SMIM5: variants seen among roughly 807,000 people sequenced by gnomAD.
SMIM5 encodes small integral membrane protein 5.
A neutral mutation model predicts 4.0 loss-of-function variants in SMIM5; 4 were observed. The observed-to-expected ratio is 1.01, with a 90% CI of 0.50 to 2.30. The LOEUF (loss-of-function observed/expected upper bound fraction) is 2.30, where lower values mean the gene tolerates loss of function less well. SMIM5 is among the 30% of genes most tolerant of loss of function. The pLI, the probability that SMIM5 is intolerant of heterozygous loss-of-function variation, is 0.02. For missense variants in SMIM5, 107 were observed against 99.2 expected, an observed-to-expected ratio of 1.08 and a Z score of -0.34; for synonymous variants, 46 against 43.6, an observed-to-expected ratio of 1.05 and a Z score of -0.22.
rs535045068 is a variant in SMIM5, at chr17:75,640,565, C to T, written c.128-226C>T. 3.3e-5 allele frequency among the ~76,000 whole-genome samples: 5 copies of T among 152,114 alleles called. No individual in the cohort carries two copies. The highest frequency in any genetic ancestry group is 1.9e-4 in the East Asian group (1 of 5,172). Reference sequence around the variant, plus strand: ...CCCGGGATCCCAAACGCGGGGATGACGGGAGCCAGGCTTGGGCAGTGAAAG... The same window carrying T: ...CCCGGGATCCCAAACGCGGGGATGATGGGAGCCAGGCTTGGGCAGTGAAAG... On this transcript the variant is annotated intron_variant, in intron 2 of 2. Coordinates refer to ENST00000375215, the MANE Select transcript of SMIM5 (RefSeq NM_001162995.3). This position sits in a 1 kb window ranked among gnomAD's most constrained non-coding sequence, Gnocchi z 4.6.
chr17:75,633,703 T>A lies in SMIM5; in HGVS notation c.-536T>A. 1.3e-5 allele frequency: 15 copies of A among 1,130,750 alleles called. No homozygotes were observed. The highest frequency in any genetic ancestry group is 1.6e-5 in the Non-Finnish European group (15 of 910,654). The allele number at this position is 1,130,750 out of a possible 1,614,324, so 70.0% of individuals were successfully genotyped here. Reference sequence around the variant, plus strand: ...GGCCAGAGGGACAGAAGGGGTGGCCTTCCTGAGGGCAGGGTGGGTGCCCCA... The same window carrying A: ...GGCCAGAGGGACAGAAGGGGTGGCCATCCTGAGGGCAGGGTGGGTGCCCCA... On this transcript the variant is annotated 5_prime_UTR_variant, in exon 1 of 3. Transcript: ENST00000375215.
chr17:75,640,074 G>C lies in SMIM5; in HGVS notation c.-36-92G>C. 1 of 1,322,198 alleles carries C rather than the reference G, an allele frequency of 7.6e-7. No homozygotes were observed. Among genetic ancestry groups the C allele is most frequent in the Non-Finnish European group, 1.0e-6 (1 of 999,080 alleles). 81.9% of individuals were successfully genotyped at this position (1,322,198 alleles called of 1,614,324 possible). On this transcript the variant is annotated intron_variant, in intron 1 of 2. Transcript: ENST00000375215. The surrounding 1 kb of genome is among the most constrained non-coding windows in gnomAD (Gnocchi z 4.6). Reference sequence around the variant, plus strand: ...GTGAGACCTGACAAACTTGTTCTGCGGGCTGCGGATGGGTGCGAGGGTGGA... The same window carrying C: ...GTGAGACCTGACAAACTTGTTCTGCCGGCTGCGGATGGGTGCGAGGGTGGA...
intron 1 of SMIM5, chr17:75,637,502 A>AG (rs1478368581): frequency 6.6e-6 from 1 of 152,288 alleles, no homozygotes; most frequent in Non-Finnish European, 1.5e-5. Flanking sequence ...CGGAACCAAG[A>AG]GGGGACCACT....
At chr17:75,635,514 G>A (rs943143186) in intron 1 of SMIM5, among the ~76,000 whole-genome samples, 1 of 152,230 alleles carries the variant, frequency 6.6e-6, no homozygotes, top group African/African-American at 2.4e-5. Context: ...CCCGCCCTGG[G>A]TGGCTACAGG....
In SMIM5 at chr17:75,640,869, A is replaced by G; in HGVS notation, c.206A>G (p.Lys69Arg). Residue 69 changes from lysine to arginine, a missense_variant, in exon 3 of 3, where the codon AAG (lysine) becomes AGG (arginine). Transcript: ENST00000375215. This position sits in a 1 kb window ranked among gnomAD's most constrained non-coding sequence, Gnocchi z 4.6. ...HCCCPERRGR[K>R]VQVQPTPP ...TGCTGCCCTGAGCGGAGAGGCAGGAAGGTCCAGGTGCAGCCGACACCACCA... is the reference window on the plus strand; with the variant it reads ...TGCTGCCCTGAGCGGAGAGGCAGGAGGGTCCAGGTGCAGCCGACACCACCA... 1 of 1,547,568 alleles carries G rather than the reference A, an allele frequency of 6.5e-7. No homozygotes were observed. Among genetic ancestry groups the G allele is most frequent in the Non-Finnish European group, 8.7e-7 (1 of 1,146,950 alleles).
intron 1 of SMIM5, chr17:75,637,866 AC>A (rs1198125400): frequency 6.6e-6 from 1 of 152,470 alleles, no homozygotes; most frequent in African/African-American, 2.4e-5. Context: ...CCATGGAGAG[AC>A]AGCGTGGGGC....
Position 75,640,700 on chromosome 17 carries a change from G to A in SMIM5, c.128-91G>A, listed in dbSNP as rs910470436. 2.1e-5 allele frequency: 31 copies of A among 1,503,432 alleles called. No individual in the cohort carries two copies. In the African/African-American group the frequency reaches 4.0e-4, roughly 19 times the overall value. The allele number at this position is 1,503,432 out of a possible 1,614,324, so 93.1% of individuals were successfully genotyped here. ...ACCTCCACCAAACCTGTGGGGGAAA[G>A]ACCCTGGCAGGCAGTGGGTTTCTCT... On this transcript the variant is annotated intron_variant, in intron 2 of 2. Transcript: ENST00000375215. This position sits in a 1 kb window ranked among gnomAD's most constrained non-coding sequence, Gnocchi z 4.6.
rs1344003289 is a variant in SMIM5, at chr17:75,637,355, CAGAG to C, written c.-36-2808_-36-2805del. 3.3e-5 allele frequency: 5 copies of C among 152,460 alleles called. 1 individual carries two copies. The highest frequency in any genetic ancestry group is 4.8e-5 in the African/African-American group (2 of 41,544). 9.4% of individuals were successfully genotyped at this position (152,460 alleles called of 1,614,324 possible). On this transcript the variant is annotated intron_variant, in intron 1 of 2. Coordinates refer to ENST00000375215, the MANE Select transcript of SMIM5 (RefSeq NM_001162995.3). The stretch of plus-strand genomic sequence containing the variant: ...CTGAAAACGCCAGACCAAGTGTAGA[CAGAG>C]AGGGAGGGGAGAAAGGCAGCCCAGC...
rs746853896 is a variant in SMIM5, at chr17:75,640,811, C to A, written c.148C>A (p.Leu50Met). ...LFTATVLLLL[L>M]IACSCCCTHC... is the part of the protein sequence containing the mutation. The stretch of plus-strand genomic sequence containing the variant: ...TCCAGCTACTGTTCTGCTGTTGCTG[C>A]TGATAGCCTGCAGCTGCTGCTGCAC... Residue 50 changes from leucine (L) to methionine (M), a missense_variant, in exon 3 of 3, where the codon CTG (leucine) becomes ATG (methionine). Coordinates refer to ENST00000375215, the MANE Select transcript of SMIM5 (RefSeq NM_001162995.3). This position sits in a 1 kb window ranked among gnomAD's most constrained non-coding sequence, Gnocchi z 4.6. 1.8e-5 allele frequency: 28 copies of A among 1,550,190 alleles called. No homozygotes were observed. The African/African-American group carries it at 3.6e-4, about 20-fold the overall frequency.
intron 1 of SMIM5, among the ~76,000 whole-genome samples, chr17:75,635,022 G>A (rs538751205): frequency 2.0e-5 from 3 of 152,294 alleles, no homozygotes; most frequent in South Asian, 4.1e-4. Context: ...CCCGTGAGCC[G>A]AGGCTGCCTA....
In SMIM5 at chr17:75,634,082, C is replaced by T. The variant is rs1373263274; in HGVS notation, c.-157C>T. On this transcript the variant is annotated 5_prime_UTR_variant, in exon 1 of 3. Transcript: ENST00000375215. ...GGCAGAGACAGCAGCTGGCTGTCAG[C>T]AGAGGAGCTGGGCTGAGGCGCCCAG... 2.0e-6 allele frequency: 2 copies of T among 985,532 alleles called. No homozygotes were observed. Among genetic ancestry groups the T allele is most frequent in the Admixed American group, 1.2e-4 (2 of 16,286 alleles). The allele number at this position is 985,532 out of a possible 1,614,324, so 61.0% of individuals were successfully genotyped here.
In SMIM5 at chr17:75,641,082, T is replaced by C; in HGVS notation, c.*185T>C. ...CCAAGGAAACAAGGGCTGGTATAGG[T>C]GCAAACCTCTCATCTGCCAGTGGAC... On this transcript the variant is annotated 3_prime_UTR_variant, in exon 3 of 3. Transcript: ENST00000375215. The C allele has an allele frequency of 1.8e-6, 2 of 1,082,366 alleles. No individual in the cohort carries two copies. The highest frequency in any genetic ancestry group is 1.8e-5 in the South Asian group (1 of 57,008). The allele number at this position is 1,082,366 out of a possible 1,614,324, so 67.0% of individuals were successfully genotyped here. A position where few individuals can be genotyped will look rare whatever the true frequency, so the allele number is the denominator to read the frequency against.
rs1239201921 is a variant in SMIM5, at chr17:75,636,536, TG to T, written c.-37+2338del. The T allele has an allele frequency of 1.1e-4, 17 of 152,180 alleles. No homozygotes were observed. The highest frequency in any genetic ancestry group is 3.2e-3 in the Middle Eastern group (1 of 316). The allele number at this position is 152,180 out of a possible 1,614,324, so 9.4% of individuals were successfully genotyped here. ...CTAAGGTTCCCTTAGGAGCAGCGGC[TG>T]GGGCACATGCCACACAGTCACCTGA... On this transcript the variant is annotated intron_variant, in intron 1 of 2. Transcript: ENST00000375215. This position sits in a 1 kb window ranked among gnomAD's most constrained non-coding sequence, Gnocchi z 5.4.
In SMIM5 at chr17:75,634,125, CGAAGGA is replaced by C. The variant is rs2059274269; in HGVS notation, c.-113_-108del. On this transcript the variant is annotated 5_prime_UTR_variant, in exon 1 of 3. Transcript: ENST00000375215. ...GCGCCCAGGGGAGCAGCGGCGCCCACGAAGGAAGTACGAGGACAGCACGTGGAGGCT... is the reference window on the plus strand; with the variant it reads ...GCGCCCAGGGGAGCAGCGGCGCCCACAGTACGAGGACAGCACGTGGAGGCT... 1.0e-6 allele frequency: 1 copy of C among 985,496 alleles called. No individual in the cohort carries two copies. Among genetic ancestry groups the C allele is most frequent in the African/African-American group, 1.7e-5 (1 of 57,362 alleles). 61.0% of individuals were successfully genotyped at this position (985,496 alleles called of 1,614,324 possible).
In SMIM5 at chr17:75,636,338, G is replaced by A. The variant is rs2059321363; in HGVS notation, c.-37+2136G>A. Among the ~76,000 whole-genome samples, 2 of 152,206 alleles carry A rather than the reference G, an allele frequency of 1.3e-5. No homozygotes were observed. The highest frequency in any genetic ancestry group is 4.8e-5 in the African/African-American group (2 of 41,452). On this transcript the variant is annotated intron_variant, in intron 1 of 2. Coordinates refer to ENST00000375215, the MANE Select transcript of SMIM5 (RefSeq NM_001162995.3). This position sits in a 1 kb window ranked among gnomAD's most constrained non-coding sequence, Gnocchi z 5.4. ...TTGCCCTGGTTCGCAGGTGGGAAGT[G>A]TGGTTTTGGAAGGAGTTGGGTGAAC...
Position 75,633,505 on chromosome 17 carries a change from A to G in SMIM5, c.-734A>G, listed in dbSNP as rs2148249991. 1.6e-6 allele frequency: 2 copies of G among 1,288,648 alleles called. No homozygotes were observed. Among genetic ancestry groups the G allele is most frequent in the South Asian group, 2.5e-5 (2 of 81,002 alleles). 79.8% of individuals were successfully genotyped at this position (1,288,648 alleles called of 1,614,324 possible). A position where few individuals can be genotyped will look rare whatever the true frequency, so the allele number is the denominator to read the frequency against. The stretch of plus-strand genomic sequence containing the variant: ...CTTGCCGGGCGCGCAGGCCACTCCC[A>G]GGTCACTCAGGATTCCAAGTTCTCC... On this transcript the variant is annotated 5_prime_UTR_variant, in exon 1 of 3. Coordinates refer to ENST00000375215, the MANE Select transcript of SMIM5 (RefSeq NM_001162995.3).
Position 75,640,884 on chromosome 17 carries a change from C to A in SMIM5, c.221C>A (p.Pro74Gln). 1 of 1,545,738 alleles carries A rather than the reference C, an allele frequency of 6.5e-7. No homozygotes were observed. Among genetic ancestry groups the A allele is most frequent in the Non-Finnish European group, 8.7e-7 (1 of 1,146,916 alleles). Reference protein sequence around the residue: ...ERRGRKVQVQPTPP With the variant: ...ERRGRKVQVQQTPP ...AGAGGCAGGAAGGTCCAGGTGCAGC[C>A]GACACCACCATGACGGACGGGCGAT... The change falls in exon 3 of 3, where the codon CCG (proline) becomes CAG (glutamine). Residue 74 changes from proline to glutamine, a missense_variant. By Grantham distance (76) the Pro-to-Gln change is moderately conservative. Transcript: ENST00000375215. This position sits in a 1 kb window ranked among gnomAD's most constrained non-coding sequence, Gnocchi z 4.6.
Position 75,640,863 on chromosome 17 carries a change from G to A in SMIM5, c.200G>A (p.Gly67Asp), listed in dbSNP as rs1267191931. ...CTHCCCPERR[G>D]RKVQVQPTPP ...CACTGCTGCTGCCCTGAGCGGAGAG[G>A]CAGGAAGGTCCAGGTGCAGCCGACA... Residue 67 changes from glycine to aspartate, a missense_variant, in exon 3 of 3, where the codon GGC (glycine) becomes GAC (aspartate). Physicochemically the swap from Gly to Asp is moderately conservative, Grantham distance 94 (BLOSUM62 -1). Coordinates refer to ENST00000375215, the MANE Select transcript of SMIM5 (RefSeq NM_001162995.3). The surrounding 1 kb of genome is among the most constrained non-coding windows in gnomAD (Gnocchi z 4.6). The A allele has an allele frequency of 1.3e-6, 2 of 1,548,000 alleles. No individual in the cohort carries two copies. The highest frequency in any genetic ancestry group is 1.7e-6 in the Non-Finnish European group (2 of 1,146,990).
chr17:75,634,006 G>A lies in SMIM5; in HGVS notation c.-233G>A, dbSNP rs1177482928. 3.0e-6 allele frequency: 3 copies of A among 985,456 alleles called. No individual in the cohort carries two copies. The highest frequency in any genetic ancestry group is 6.1e-5 in the Admixed American group (1 of 16,278). The allele number at this position is 985,456 out of a possible 1,614,324, so 61.0% of individuals were successfully genotyped here. On this transcript the variant is annotated 5_prime_UTR_variant, in exon 1 of 3. Transcript: ENST00000375215. The stretch of plus-strand genomic sequence containing the variant: ...AGGGCTTCCTCGGGCTCCCCCTCGC[G>A]ACGGTAATTTGACACTTGGATCTCC...
Sources: gnomAD v4.1 joint callset for allele counts (sites outside exome capture counted in the v4.1 genomes callset) on GRCh38, gnomAD v4.1.1 for gene constraint, Gnocchi (gnomAD v3.1) non-coding constraint, MANE v1.5 for transcripts, NCBI Gene and HGNC (gene_info 2026-07-23, HGNC 2026-07-21) for gene names.